RAP1A: variants seen among roughly 807,000 people sequenced by gnomAD.
RAP1A encodes the protein RAP1A, member of RAS oncogene family.
A neutral mutation model predicts 26.4 loss-of-function variants in RAP1A; 6 were observed. The ratio of observed to expected loss-of-function variants is 0.23; its 90% confidence interval spans 0.12 to 0.45. The LOEUF (loss-of-function observed/expected upper bound fraction) is 0.45. Ranked by LOEUF, RAP1A falls within the 20% of genes least tolerant of loss-of-function variation. The probability of loss-of-function intolerance (pLI) is 0.99; values close to 1 mark genes in which losing one functional copy is unlikely to be tolerated. For missense variants in RAP1A, 121 were observed against 217.2 expected, an observed-to-expected ratio of 0.56 and a Z score of 2.78; for synonymous variants, 73 against 79.4, an observed-to-expected ratio of 0.92 and a Z score of 0.43.
At chr1:111,549,403 C>A (rs1657168288) in intron 1 of RAP1A, among the ~76,000 whole-genome samples, 1 of 150,434 alleles carries the variant, frequency 6.6e-6, no homozygotes, top group Admixed American at 6.6e-5. Context: ...AATCCCAGCA[C>A]TTCGGGAGGC....
intron 1 of RAP1A, among the ~76,000 whole-genome samples, chr1:111,614,675 T>C (rs1266722707): frequency 1.3e-5 from 2 of 152,218 alleles, no homozygotes; most frequent in Non-Finnish European, 2.9e-5. Flanking sequence ...TTCCAGGGTA[T>C]AAAGACTTTC....
At chr1:111,613,689 GAT>G (rs1658966251) in intron 1 of RAP1A, among the ~76,000 whole-genome samples, 1 of 152,198 alleles carries the variant, frequency 6.6e-6, no homozygotes, top group African/African-American at 2.4e-5. Flanking sequence ...TCCATGCCCT[GAT>G]TCACCTAGAC....
At chr1:111,564,033 G>A in intron 1 of RAP1A, 1 of 1,023,992 alleles carries the variant, frequency 9.8e-7, no homozygotes, top group Non-Finnish European at 1.5e-6. Flanking sequence ...TCTGCCATTA[G>A]AGAACCAGGA....
chr1:111,619,812 C>T lies in RAP1A; in HGVS notation c.-150C>T, dbSNP rs929940804. 1.5e-4 allele frequency: 61 copies of T among 399,276 alleles called. No individual in the cohort carries two copies. The highest frequency in any genetic ancestry group is 7.6e-4 in the African/African-American group (37 of 48,618). The allele number at this position is 399,276 out of a possible 1,614,324, so 24.7% of individuals were successfully genotyped here. A position where few individuals can be genotyped will look rare whatever the true frequency, so the allele number is the denominator to read the frequency against. On this transcript the variant is annotated 5_prime_UTR_variant, in exon 1 of 8. Coordinates refer to ENST00000369709, the MANE Select transcript of RAP1A (RefSeq NM_002884.4). ...CCGCCGCCGCTCCCGAGGCCCCTGC[C>T]GCCGCCGCTCCCGCTGCTGTCGCCG...
At chr1:111,579,541 G>A (rs1000768018) in intron 1 of RAP1A, among the ~76,000 whole-genome samples, 3 of 152,190 alleles carry the variant, frequency 2.0e-5, no homozygotes, top group Admixed American at 2.0e-4. Flanking sequence ...GGGTTTTGAA[G>A]AGGGCCTAGA....
rs558309192 is a variant in RAP1A at position 111,573,588 on chromosome 1, G to C, written c.-28+31079G>C. Among the ~76,000 whole-genome samples the C allele has an allele frequency of 2.0e-4, 30 of 152,198 alleles. No homozygotes were observed. The East Asian group carries it at 5.6e-3, about 28-fold the overall frequency. ...GACCTCAGGCAATCTGCCCACCTCA[G>C]CCTCCCAAAGTGCTGGGATTACAGA... On this transcript the variant is annotated intron_variant, in intron 1 of 7. Transcript: ENST00000356415.
intron 1 of RAP1A, among the ~76,000 whole-genome samples, chr1:111,682,396 G>A (rs1571556707): frequency 6.6e-6 from 1 of 151,854 alleles, no homozygotes; most frequent in East Asian, 1.9e-4. Flanking sequence ...TGGATAAAGA[G>A]TCAAGACCCA....
At chr1:111,678,112 T>G (rs1358498747) in intron 1 of RAP1A, among the ~76,000 whole-genome samples, 1 of 152,194 alleles carries the variant, frequency 6.6e-6, no homozygotes, top group African/African-American at 2.4e-5. Flanking sequence ...ATATTAGCTT[T>G]TCTGAATTAT....
chr1:111,665,591 A>G (rs548445817), intron 1 of RAP1A, among the ~76,000 whole-genome samples: 1 of 152,316 alleles, frequency 6.6e-6, no homozygotes, highest in Admixed American at 6.5e-5. Context: ...ACTTAAGTAG[A>G]TGGTAATACA....
intron 1 of RAP1A, among the ~76,000 whole-genome samples, chr1:111,556,304 A>T (rs1432042096): frequency 6.6e-6 from 1 of 152,236 alleles, no homozygotes; most frequent in Non-Finnish European, 1.5e-5. Context: ...GAGAAATTGA[A>T]ATTATTGTGC....
At chr1:111,700,803 G>T (rs183052354) in intron 4 of RAP1A, among the ~76,000 whole-genome samples, 1 of 152,262 alleles carries the variant, frequency 6.6e-6, no homozygotes, top group African/African-American at 2.4e-5. Flanking sequence ...AAACCATGGA[G>T]TCGTCCTTGA....
intron 1 of RAP1A, among the ~76,000 whole-genome samples, chr1:111,613,953 A>G (rs575731558): frequency 6.6e-6 from 1 of 152,356 alleles, no homozygotes; most frequent in Non-Finnish European, 1.5e-5. Flanking sequence ...ACACACAGAC[A>G]CATGCTCCTG....
chr1:111,580,284 T>G (rs1441381140), intron 1 of RAP1A, among the ~76,000 whole-genome samples: 2 of 152,200 alleles, frequency 1.3e-5, no homozygotes, highest in Non-Finnish European at 2.9e-5. Context: ...AATATTTGCA[T>G]CGCCAGGATC....
chr1:111,684,059 AAC>A (rs1230481094), intron 1 of RAP1A, among the ~76,000 whole-genome samples: 1 of 152,222 alleles, frequency 6.6e-6, no homozygotes, highest in Non-Finnish European at 1.5e-5. Context: ...AATGACAAAA[AAC>A]ACAAGATTAT....
At chr1:111,648,734 G>C in intron 1 of RAP1A, 1 of 594,406 alleles carries the variant, frequency 1.7e-6, no homozygotes, top group Non-Finnish European at 3.2e-6. Flanking sequence ...CAGACTGCGT[G>C]GTGACCACTG....
chr1:111,706,882 A>G, intron 6 of RAP1A: 1 of 281,926 alleles, frequency 3.5e-6, no homozygotes, highest in Non-Finnish European at 5.4e-6. Flanking sequence ...GAAGAAACTG[A>G]AATAGAAACT....
chr1:111,642,655 T>A (rs2477432), intron 1 of RAP1A, among the ~76,000 whole-genome samples: 79,598 of 151,628 alleles, frequency 0.52, 21,172 homozygotes, highest in Middle Eastern at 0.66. Context: ...GCGCGGCTAG[T>A]TTTTTGTATT....
intron 1 of RAP1A, among the ~76,000 whole-genome samples, chr1:111,643,389 T>G (rs475645): frequency 0.87 from 132,358 of 152,172 alleles, 57,780 homozygotes; most frequent in African/African-American, 0.92. Context: ...TCTTGGACAT[T>G]CCTTCATTTT....
intron 1 of RAP1A, among the ~76,000 whole-genome samples, chr1:111,567,025 C>G (rs75745953): frequency 0.014 from 2,172 of 152,094 alleles, 40 homozygotes; most frequent in African/African-American, 0.049. Flanking sequence ...TTTTAGGAGG[C>G]CATATTTTTT....
Sources: allele counts gnomAD v4.1 joint callset (sites outside exome capture counted in the v4.1 genomes callset), GRCh38; gene constraint gnomAD v4.1.1; transcripts MANE v1.5; gene names NCBI Gene and HGNC (gene_info 2026-07-23, HGNC 2026-07-21).